The following MRPS31 variants were observed in gnomAD, a reference collection of about 807,000 sequenced individuals.
MRPS31 encodes the protein mitochondrial ribosomal protein S31.
In MRPS31, 32 loss-of-function variants were observed where a neutral mutation model predicts 43.1. The ratio of observed to expected loss-of-function variants is 0.74; its 90% confidence interval spans 0.56 to 1.00. The LOEUF (loss-of-function observed/expected upper bound fraction) is 1.00, where lower values mean the gene tolerates loss of function less well. Ranked by LOEUF, MRPS31 falls within the 50% of genes least tolerant of loss-of-function variation. The pLI is 0.00. For synonymous variants in MRPS31, 165 were observed against 161.6 expected, an observed-to-expected ratio of 1.02 and a Z score of -0.16; for missense variants, 437 against 466.7, an observed-to-expected ratio of 0.94 and a Z score of 0.59.
intron 3 of MRPS31, 93 bp downstream of exon 3, chr13:40,758,855 G>A (rs763010385): frequency 3.5e-5 from 40 of 1,137,942 alleles, no homozygotes; most frequent in African/African-American, 3.0e-4. Flanking sequence ...TTCCACTTAC[G>A]TGGTATATAT....
intron 2 of MRPS31, among the ~76,000 whole-genome samples, chr13:40,765,670 T>C (rs1332715951): frequency 6.6e-6 from 1 of 152,200 alleles, no homozygotes; most frequent in East Asian, 1.9e-4. Context: ...TGATATAACG[T>C]AGAAACCAAG....
intron 2 of MRPS31, among the ~76,000 whole-genome samples, chr13:40,760,697 G>A (rs1880672220): frequency 1.3e-5 from 2 of 150,420 alleles, no homozygotes; most frequent in African/African-American, 4.9e-5. Context: ...CAAAGTCCTG[G>A]GTTCAAGCAA....
At chr13:40,757,742 CTT>C (rs374204641) in intron 3 of MRPS31, among the ~76,000 whole-genome samples, 20 of 129,494 alleles carry the variant, frequency 1.5e-4, no homozygotes, top group South Asian at 2.5e-4. Flanking sequence ...GTGCGCCTGG[CTT>C]TTTTTTTTTT....
chr13:40,755,815 A>T (rs1880511700), intron 4 of MRPS31, among the ~76,000 whole-genome samples: 1 of 152,218 alleles, frequency 6.6e-6, no homozygotes, highest in Non-Finnish European at 1.5e-5. Flanking sequence ...TTAAAAATCA[A>T]ATTATAATAT....
chr13:40,733,959 C>CA lies in MRPS31; in HGVS notation c.959-4359dup, dbSNP rs61512285. ...GGACAATCAGAGTGAGACTCTGACT[C>CA]AAAAAAAAAAAAAAAAAAAAAAGGC... On this transcript the variant is annotated intron_variant, in intron 6 of 6. Coordinates refer to ENST00000323563, the MANE Select transcript of MRPS31 (RefSeq NM_005830.4). Among the ~76,000 whole-genome samples, 327 of 56,526 alleles carry CA rather than the reference C, an allele frequency of 5.8e-3. 2 individuals carry two copies. Among genetic ancestry groups the CA allele is most frequent in the African/African-American group, 0.013 (193 of 15,252 alleles). The allele number at this position is 56,526 out of a possible 152,430, so 37.1% of individuals were successfully genotyped here.
chr13:40,770,763 A>T, intron 1 of MRPS31: 1 of 537,526 alleles, frequency 1.9e-6, no homozygotes, highest in Non-Finnish European at 3.3e-6. Flanking sequence ...GATGATGACA[A>T]GAGGAATGAG....
At chr13:40,758,869 G>A in intron 3 of MRPS31, 79 bp downstream of exon 3, 1 of 1,272,176 alleles carries the variant, frequency 7.9e-7, no homozygotes, top group Non-Finnish European at 1.0e-6. Context: ...TATATATTAT[G>A]TGTATTACTC....
chr13:40,729,425 A>T lies in MRPS31; in HGVS notation c.1135T>A (p.Tyr379Asn). 1 of 1,591,334 alleles carries T rather than the reference A, an allele frequency of 6.3e-7. No homozygotes were observed. Among genetic ancestry groups the T allele is most frequent in the Non-Finnish European group, 8.6e-7 (1 of 1,161,330 alleles). The change falls in exon 7 of 7, where the codon TAT (tyrosine) becomes AAT (asparagine). Residue 379 changes from tyrosine (Y) to asparagine (N), a missense_variant. Coordinates refer to ENST00000323563, the MANE Select transcript of MRPS31 (RefSeq NM_005830.4). ...AGAATATCCTTTTTTTCATTAAAAT[A>T]ATTTCTAAACCACTCTATGTGTTCA... ...KVEHIEWFRN[Y>N]FNEKKDILKE...
At position 40,759,204 on chromosome 13, in the gene MRPS31, G is replaced by A. The variant is rs539506571; in HGVS notation, c.441-98C>T. 59 of 858,036 alleles carry A rather than the reference G, an allele frequency of 6.9e-5. No individual in the cohort carries two copies. In the South Asian group the frequency reaches 8.1e-4, roughly 12 times the overall value. 53.2% of individuals were successfully genotyped at this position (858,036 alleles called of 1,614,324 possible). ...TGTAATTCCAGCACTTTGGGAAGCC[G>A]AGGCAGACAGATCACTTGAGTCAGG... On this transcript the variant is annotated intron_variant, in intron 2 of 6. Coordinates refer to ENST00000323563, the MANE Select transcript of MRPS31 (RefSeq NM_005830.4).
Position 40,766,904 on chromosome 13 carries a change from A to G in MRPS31, c.282T>C (p.Asn94=), listed in dbSNP as rs773191910. ...TSESQDSEKE[N]TKKDLLGIIK... is the part of the protein sequence containing the mutation. ...TAATGCCTAACAAGTCTTTTTTCGT[A>G]TTTTCCTTTTCACTGTCTTGGCTCT... The change falls in exon 2 of 7, where the codon AAT becomes AAC. Residue 94 remains asparagine (N), a synonymous_variant. Coordinates refer to ENST00000323563, the MANE Select transcript of MRPS31 (RefSeq NM_005830.4). 33 of 1,613,662 alleles carry G rather than the reference A, an allele frequency of 2.0e-5. No individual in the cohort carries two copies. The highest frequency in any genetic ancestry group is 2.7e-5 in the Non-Finnish European group (32 of 1,179,942).
chr13:40,735,288 G>A (rs1251481907), intron 6 of MRPS31, among the ~76,000 whole-genome samples: 9 of 152,184 alleles, frequency 5.9e-5, no homozygotes, highest in African/African-American at 1.2e-4. Flanking sequence ...CTACGCCCAC[G>A]GAGTCTCGCT....
chr13:40,758,100 G>A (rs940694291), intron 3 of MRPS31, among the ~76,000 whole-genome samples: 5 of 146,956 alleles, frequency 3.4e-5, no homozygotes, highest in African/African-American at 1.0e-4. Flanking sequence ...CCGAGATCGC[G>A]CCACTGCACT....
chr13:40,738,291 G>C (rs1459108737), intron 6 of MRPS31, among the ~76,000 whole-genome samples: 3 of 152,210 alleles, frequency 2.0e-5, no homozygotes, highest in South Asian at 2.1e-4. Context: ...TTGTGGCAAT[G>C]ATCAATAGCT....
intron 6 of MRPS31, among the ~76,000 whole-genome samples, chr13:40,741,511 T>C (rs1240639517): frequency 6.6e-6 from 1 of 152,128 alleles, no homozygotes; most frequent in African/African-American, 2.4e-5. Context: ...TGGTTATCAA[T>C]CAGGGAAATG....
At chr13:40,735,679 C>T (rs1223766581) in intron 6 of MRPS31, among the ~76,000 whole-genome samples, 1 of 152,088 alleles carries the variant, frequency 6.6e-6, no homozygotes, top group African/African-American at 2.4e-5. Flanking sequence ...AGACTGACAC[C>T]TCACACTGCA....
At chr13:40,737,542 T>C (rs1320172276) in intron 6 of MRPS31, among the ~76,000 whole-genome samples, 2 of 152,082 alleles carry the variant, frequency 1.3e-5, no homozygotes, top group Non-Finnish European at 2.9e-5. Flanking sequence ...AGTAAAGCTC[T>C]CCTCAGCAAA....
At chr13:40,749,078 A>G (rs2138004989) in intron 6 of MRPS31, 60 bp downstream of exon 6, 3 of 1,512,766 alleles carry the variant, frequency 2.0e-6, no homozygotes, top group Non-Finnish European at 1.8e-6. Context: ...CTAAAAGTAA[A>G]TATCTGGCAG....
At chr13:40,730,479 C>G (rs769003854) in intron 6 of MRPS31, among the ~76,000 whole-genome samples, 2 of 152,140 alleles carry the variant, frequency 1.3e-5, no homozygotes, top group Non-Finnish European at 2.9e-5. Flanking sequence ...GAGCCAAGAT[C>G]AAGCCACTAC....
chr13:40,758,192 T>C (rs1880589093), intron 3 of MRPS31, among the ~76,000 whole-genome samples: 1 of 151,494 alleles, frequency 6.6e-6, no homozygotes, highest in African/African-American at 2.4e-5. Context: ...CCAAAGTAGC[T>C]AGACTTCAGG....
Sources: allele counts gnomAD v4.1 joint callset (sites outside exome capture counted in the v4.1 genomes callset), GRCh38; gene constraint gnomAD v4.1.1; transcripts MANE v1.5; gene names NCBI Gene and HGNC (gene_info 2026-07-23, HGNC 2026-07-21).